Variants in PAN3 observed in about 807,000 individuals in gnomAD.
The protein encoded by PAN3 is poly(A) specific ribonuclease subunit PAN3, also known as PAN2-PAN3 deadenylation complex subunit PAN3.
Under a neutral mutation model 96.2 loss-of-function variants are expected in PAN3, and 19 were observed. That is an observed-to-expected ratio of 0.20 (90% CI 0.14 to 0.29). The LOEUF (loss-of-function observed/expected upper bound fraction) is 0.29. PAN3 is among the 10% of genes least tolerant of loss of function. PAN3 has a pLI of 1.00. For synonymous variants in PAN3, 433 were observed against 406.6 expected, an observed-to-expected ratio of 1.06 and a Z score of -0.78; for missense variants, 882 against 1,108.1, an observed-to-expected ratio of 0.80 and a Z score of 2.90.
chr13:28,280,168 T>C (rs1887350705), intron 15 of PAN3, among the ~76,000 whole-genome samples: 1 of 152,216 alleles, frequency 6.6e-6, no homozygotes, highest in South Asian at 2.1e-4. Context: ...TTCACTTTTC[T>C]TTCTCATTTC....
chr13:28,286,973 C>T (rs951764267), intron 17 of PAN3, among the ~76,000 whole-genome samples: 1 of 152,048 alleles, frequency 6.6e-6, no homozygotes, highest in Admixed American at 6.5e-5. Context: ...TAATTTTCTT[C>T]CCCCCATCCC....
At chr13:28,266,428 T>TA (rs918947290) in intron 9 of PAN3, among the ~76,000 whole-genome samples, 1 of 152,226 alleles carries the variant, frequency 6.6e-6, no homozygotes, top group African/African-American at 2.4e-5. Flanking sequence ...AAATTATTTA[T>TA]AAAAATTATT....
At chr13:28,193,711 C>T (rs901544223) in intron 4 of PAN3, among the ~76,000 whole-genome samples, 4 of 145,318 alleles carry the variant, frequency 2.8e-5, no homozygotes, top group African/African-American at 1.1e-4. Context: ...CCACTGCACT[C>T]CAGCCTGGGA....
intron 4 of PAN3, among the ~76,000 whole-genome samples, chr13:28,185,648 C>A (rs930240449): frequency 1.4e-4 from 21 of 151,882 alleles, no homozygotes; most frequent in African/African-American, 4.8e-4. Context: ...GTGTTTGATG[C>A]TTTATCATAT....
At chr13:28,277,117 G>A in intron 14 of PAN3, 120 bp from the exon 15 acceptor site, 1 of 987,964 alleles carries the variant, frequency 1.0e-6, no homozygotes, top group Non-Finnish European at 1.5e-6. Context: ...ACCAGTATTT[G>A]AGGACCCTGC....
intron 6 of PAN3, among the ~76,000 whole-genome samples, chr13:28,235,774 G>T (rs1292545363): frequency 6.6e-6 from 1 of 151,316 alleles, no homozygotes; most frequent in Non-Finnish European, 1.5e-5. Context: ...CCAGGCTGGA[G>T]AGCAGTGGCT....
At chr13:28,250,884 C>T (rs907252809) in intron 6 of PAN3, among the ~76,000 whole-genome samples, 3 of 151,952 alleles carry the variant, frequency 2.0e-5, no homozygotes, top group Non-Finnish European at 4.4e-5. Flanking sequence ...TCTTTTTTTT[C>T]GAATGTTGCT....
intron 5 of PAN3, among the ~76,000 whole-genome samples, chr13:28,199,777 G>A (rs952524408): frequency 6.0e-5 from 9 of 151,182 alleles, no homozygotes; most frequent in Non-Finnish European, 1.0e-4. Context: ...TTTTAATATC[G>A]TTTTGTGTTT....
intron 17 of PAN3, among the ~76,000 whole-genome samples, chr13:28,281,898 GTAGC>G (rs755110251): frequency 6.6e-6 from 1 of 151,608 alleles, no homozygotes; most frequent in Non-Finnish European, 1.5e-5. Flanking sequence ...AGCCTCCCAA[GTAGC>G]TGGGACTACA....
intron 14 of PAN3, among the ~76,000 whole-genome samples, 186 bp from the exon 15 acceptor site, chr13:28,277,051 C>G (rs1273195282): frequency 1.3e-5 from 2 of 152,096 alleles, no homozygotes; most frequent in Admixed American, 6.6e-5. Context: ...ATGAGAATCT[C>G]TGGTAGAGAG....
intron 1 of PAN3, among the ~76,000 whole-genome samples, chr13:28,163,422 ATAATGT>A (rs562218269): frequency 6.6e-6 from 1 of 152,218 alleles, no homozygotes; most frequent in Non-Finnish European, 1.5e-5. Context: ...AAATTAAAAA[ATAATGT>A]TTATGATGAC....
Position 28,275,208 on chromosome 13 carries a change from CTAATT to C in PAN3, c.2050-2024_2050-2020del, listed in dbSNP as rs544072334. 9.1e-3 allele frequency among the ~76,000 whole-genome samples: 1,386 copies of C among 152,226 alleles called. 11 individuals are homozygous for C. The highest frequency in any genetic ancestry group is 0.048 in the Middle Eastern group (14 of 294). On this transcript the variant is annotated intron_variant, in intron 14 of 18. Transcript: ENST00000380958. Reference sequence around the variant, plus strand: ...ACTTCTTTTGTTTAAAAAAACAACTCTAATTTAATCTGGACTGTGTCATACATGTA... The same window carrying C: ...ACTTCTTTTGTTTAAAAAAACAACTCTAATCTGGACTGTGTCATACATGTA...
chr13:28,277,414 A>G, intron 15 of PAN3, 38 bp downstream of exon 15: 1 of 1,577,266 alleles, frequency 6.3e-7, no homozygotes, highest in Non-Finnish European at 8.6e-7. Flanking sequence ...CAGAATGATT[A>G]TTTGCGATAA....
chr13:28,191,905 C>G (rs1193837778), intron 4 of PAN3, among the ~76,000 whole-genome samples: 1 of 151,922 alleles, frequency 6.6e-6, no homozygotes, highest in Non-Finnish European at 1.5e-5. Flanking sequence ...ATACCCGGCT[C>G]CTTTTTTCAT....
chr13:28,178,054 G>GT, intron 4 of PAN3, 119 bp downstream of exon 4: 1 of 787,486 alleles, frequency 1.3e-6, no homozygotes. Context: ...GGGCTTTAGT[G>GT]TTTTTCCTGC....
chr13:28,233,935 C>T (rs975123405), intron 6 of PAN3, among the ~76,000 whole-genome samples: 2 of 152,152 alleles, frequency 1.3e-5, no homozygotes, highest in Non-Finnish European at 2.9e-5. Context: ...ATCAGCATTT[C>T]CCAAGGTGCT....
intron 14 of PAN3, among the ~76,000 whole-genome samples, chr13:28,272,474 C>T (rs958226598): frequency 3.3e-5 from 5 of 151,612 alleles, no homozygotes; most frequent in Admixed American, 6.6e-5. Flanking sequence ...TAGAGGCTCA[C>T]GATGTTGCCC....
chr13:28,228,402 G>A (rs578125270), intron 6 of PAN3, among the ~76,000 whole-genome samples: 95 of 152,208 alleles, frequency 6.2e-4, no homozygotes, highest in African/African-American at 2.2e-3. Flanking sequence ...AATGCATATA[G>A]GCATGTAAAT....
At chr13:28,247,553 G>A (rs1238875349) in intron 6 of PAN3, among the ~76,000 whole-genome samples, 2 of 152,100 alleles carry the variant, frequency 1.3e-5, no homozygotes, top group South Asian at 4.1e-4. Context: ...TTTCCTAATA[G>A]TTTCAAGTCT....
Sources: allele counts gnomAD v4.1 joint callset (sites outside exome capture counted in the v4.1 genomes callset), GRCh38; gene constraint gnomAD v4.1.1; transcripts MANE v1.5; gene names NCBI Gene and HGNC (gene_info 2026-07-23, HGNC 2026-07-21).